TTBK2: variants seen among roughly 807,000 people sequenced by gnomAD.
TTBK2 encodes tau-tubulin kinase 2.
TTBK2 carries 28 observed loss-of-function variants against 110.8 expected under a neutral mutation model. That is an observed-to-expected ratio of 0.25 (90% CI 0.19 to 0.35). The LOEUF is 0.35. Ranked by LOEUF, TTBK2 falls within the 10% of genes least tolerant of loss-of-function variation. The pLI, the probability that TTBK2 is intolerant of heterozygous loss-of-function variation, is 1.00. For missense variants in TTBK2, 1,369 were observed against 1,500.3 expected (o/e 0.91, Z 1.45); for synonymous variants, 532 against 527.3 (o/e 1.01, Z -0.12).
At chr15:42,760,555 T>C (rs980210351) in intron 13 of TTBK2, among the ~76,000 whole-genome samples, 5 of 152,118 alleles carry the variant, frequency 3.3e-5, no homozygotes, top group Non-Finnish European at 5.9e-5. Flanking sequence ...ACCTACAGGA[T>C]CTACTAGATT....
At chr15:42,911,061 G>T (rs1055331996) in intron 1 of TTBK2, among the ~76,000 whole-genome samples, 1 of 149,764 alleles carries the variant, frequency 6.7e-6, no homozygotes, top group Non-Finnish European at 1.5e-5. Flanking sequence ...AAAAAAAAAC[G>T]GTGAAAAAAT....
rs566221716 is a variant in TTBK2 at position 42,824,920 on chromosome 15, A to G, written c.537+3008T>C. 7.2e-5 allele frequency among the ~76,000 whole-genome samples: 11 copies of G among 152,196 alleles called. No individual in the cohort carries two copies. The South Asian group carries it at 2.1e-3, about 29-fold the overall frequency. ...ACAACAATATACATCAAATCAGGGG[A>G]AAAAGCAAATAATAATAATAATAAA... On this transcript the variant is annotated intron_variant, in intron 6 of 14. Coordinates refer to ENST00000267890, the MANE Select transcript of TTBK2 (RefSeq NM_173500.4).
At chr15:42,837,670 A>G (rs1893048000) in intron 4 of TTBK2, among the ~76,000 whole-genome samples, 1 of 151,284 alleles carries the variant, frequency 6.6e-6, no homozygotes. Flanking sequence ...AAAAAAAAAA[A>G]AAAAAAAAAA....
intron 6 of TTBK2, among the ~76,000 whole-genome samples, chr15:42,825,714 C>T (rs1175649125): frequency 6.6e-6 from 1 of 151,890 alleles, no homozygotes; most frequent in Non-Finnish European, 1.5e-5. Flanking sequence ...GACTCCATCT[C>T]GAAAAAATAA....
chr15:42,745,572 T>C lies in TTBK2; in HGVS notation c.*223A>G, dbSNP rs1000218600. On this transcript the variant is annotated 3_prime_UTR_variant, in exon 15 of 15. Coordinates refer to ENST00000267890, the MANE Select transcript of TTBK2 (RefSeq NM_173500.4). The stretch of plus-strand genomic sequence containing the variant: ...GTTTCTCCCCCTTGGATTTTTGCTC[T>C]ATTTTTCCTTCTTGTACAAAGACAT... The C allele has an allele frequency of 1.2e-5, 7 of 599,346 alleles. No homozygotes were observed. In the African/African-American group the frequency reaches 1.3e-4, roughly 11 times the overall value. The allele number at this position is 599,346 out of a possible 1,614,324, so 37.1% of individuals were successfully genotyped here.
chr15:42,796,551 A>G (rs1890954067), intron 9 of TTBK2, among the ~76,000 whole-genome samples: 1 of 152,264 alleles, frequency 6.6e-6, no homozygotes, highest in Non-Finnish European at 1.5e-5. Context: ...AAGGAAACAA[A>G]AAAGGAGTGG....
At position 42,744,119 on chromosome 15, in the gene TTBK2, T is replaced by C. The variant is rs1337284165; in HGVS notation, c.*1676A>G. Reference sequence around the variant, plus strand: ...ATAAACAGCAAGTATGTCTTATCTATTGCATTCCTCTGGAGTGTTTGAAAC... The same window carrying C: ...ATAAACAGCAAGTATGTCTTATCTACTGCATTCCTCTGGAGTGTTTGAAAC... On this transcript the variant is annotated 3_prime_UTR_variant, in exon 15 of 15. Coordinates refer to ENST00000267890, the MANE Select transcript of TTBK2 (RefSeq NM_173500.4). 1 of 152,190 alleles carries C rather than the reference T, an allele frequency of 6.6e-6. No homozygotes were observed. The highest frequency in any genetic ancestry group is 2.4e-5 in the African/African-American group (1 of 41,458). The allele number at this position is 152,190 out of a possible 1,614,324, so 9.4% of individuals were successfully genotyped here.
At chr15:42,794,089 G>A (rs1243040588) in intron 10 of TTBK2, among the ~76,000 whole-genome samples, 2 of 127,096 alleles carry the variant, frequency 1.6e-5, no homozygotes, top group African/African-American at 3.0e-5. Flanking sequence ...AACAACCAAA[G>A]CAGGTAAAAA....
At chr15:42,799,810 A>C (rs1346700845) in intron 9 of TTBK2, among the ~76,000 whole-genome samples, 1 of 152,134 alleles carries the variant, frequency 6.6e-6, no homozygotes, top group Non-Finnish European at 1.5e-5. Context: ...TATGAATAAG[A>C]AGCAGTCCAT....
chr15:42,801,391 C>T, intron 9 of TTBK2: 1 of 1,296,622 alleles, frequency 7.7e-7, no homozygotes, highest in Non-Finnish European at 1.1e-6. Context: ...GCTAGCTCCC[C>T]ACGCTGCTCG....
chr15:42,916,601 G>A (rs1320788676), intron 1 of TTBK2, among the ~76,000 whole-genome samples: 1 of 152,180 alleles, frequency 6.6e-6, no homozygotes, highest in African/African-American at 2.4e-5. Context: ...AAAGTGCTAG[G>A]ATTACACGTG....
At chr15:42,920,991 A>G (rs184484253), upstream of TTBK2, among the ~76,000 whole-genome samples, 18 of 152,240 alleles carry the variant, frequency 1.2e-4, no homozygotes, top group Non-Finnish European at 2.4e-4. Context: ...CCCACCGGAG[A>G]ATTGCCGCTA....
At chr15:42,881,823 A>T (rs956314785) in intron 1 of TTBK2, among the ~76,000 whole-genome samples, 5 of 152,168 alleles carry the variant, frequency 3.3e-5, no homozygotes, top group South Asian at 4.1e-4. Context: ...ATGAGCCAAG[A>T]TCGCACCATT....
intron 9 of TTBK2, among the ~76,000 whole-genome samples, chr15:42,806,033 G>A (rs2140911161): frequency 6.6e-6 from 1 of 152,340 alleles, no homozygotes; most frequent in Non-Finnish European, 1.5e-5. Flanking sequence ...GGAGGCCAAG[G>A]TGGGTGGATC....
chr15:42,840,266 C>G (rs1893163565), intron 4 of TTBK2, 94 bp downstream of exon 4: 1 of 1,077,564 alleles, frequency 9.3e-7, no homozygotes, highest in Non-Finnish European at 1.4e-6. Context: ...TCACATGGTA[C>G]TAAGATTGTT....
chr15:42,763,127 TATACATATATAC>T (rs2062061271), intron 13 of TTBK2, among the ~76,000 whole-genome samples: 4 of 100,904 alleles, frequency 4.0e-5, no homozygotes, highest in African/African-American at 2.0e-4. Context: ...TACACATATA[TATACATATATAC>T]ATACATATAT....
At chr15:42,863,234 C>A (rs553282532) in intron 3 of TTBK2, among the ~76,000 whole-genome samples, 1 of 151,974 alleles carries the variant, frequency 6.6e-6, no homozygotes, top group Non-Finnish European at 1.5e-5. Flanking sequence ...ACAAAACCAA[C>A]GTACAAAAAT....
At chr15:42,784,382 A>G (rs534341502) in intron 10 of TTBK2, among the ~76,000 whole-genome samples, 2 of 151,928 alleles carry the variant, frequency 1.3e-5, no homozygotes, top group African/African-American at 4.8e-5. Context: ...GATTCAAGCG[A>G]TTCTCCTGCC....
chr15:42,917,967 A>G (rs1376082309), intron 1 of TTBK2, among the ~76,000 whole-genome samples: 1 of 152,186 alleles, frequency 6.6e-6, no homozygotes, highest in Non-Finnish European at 1.5e-5. Flanking sequence ...AGCTATAGCT[A>G]TATTTTCCAT....
Sources: gnomAD v4.1 joint callset for allele counts (sites outside exome capture counted in the v4.1 genomes callset) on GRCh38, gnomAD v4.1.1 for gene constraint, MANE v1.5 for transcripts, NCBI Gene and HGNC (gene_info 2026-07-23, HGNC 2026-07-21) for gene names.